DNAH9: variants seen among roughly 807,000 people sequenced by gnomAD.
DNAH9 encodes DNAH9 variant protein.
DNAH9 carries 345 observed loss-of-function variants against 471.6 expected under a neutral mutation model. The observed-to-expected ratio is 0.73, with a 90% CI of 0.67 to 0.80. The LOEUF is 0.80. DNAH9 is among the 30% of genes least tolerant of loss of function. The pLI is 0.00. For missense variants in DNAH9, 5,407 were observed against 5,609.2 expected (o/e 0.96, Z 1.15); for synonymous variants, 2,093 against 2,123.6 (o/e 0.99, Z 0.40).
At chr17:11,768,000 G>GCTC (rs1188494481) in intron 36 of DNAH9, among the ~76,000 whole-genome samples, 1 of 152,086 alleles carries the variant, frequency 6.6e-6, no homozygotes, top group African/African-American at 2.4e-5. Context: ...CCCTTCTGAG[G>GCTC]CTCTTCTCAC....
chr17:11,652,689 T>G (rs896351153), intron 13 of DNAH9, 72 bp from the exon 14 acceptor site: 4 of 1,431,490 alleles, frequency 2.8e-6, no homozygotes, highest in Admixed American at 1.9e-5. Flanking sequence ...ATCCCTGTCT[T>G]TCATAGCAAC....
At chr17:11,692,587 G>A (rs922981346) in intron 20 of DNAH9, among the ~76,000 whole-genome samples, 1 of 152,178 alleles carries the variant, frequency 6.6e-6, no homozygotes, top group Admixed American at 6.5e-5. Context: ...ATCAAGTGTT[G>A]TATACCTGGG....
In DNAH9 at chr17:11,823,048, C is replaced by T. The variant is rs149941893; in HGVS notation, c.9246+14C>T. On this transcript the variant is annotated intron_variant, in intron 48 of 68. Transcript: ENST00000262442. Reference sequence around the variant, plus strand: ...ACCTCTGCCCAGGTGAGCAATGTCCCGCTCCTTCCACCTGCAGGGGACTTG... The same window carrying T: ...ACCTCTGCCCAGGTGAGCAATGTCCTGCTCCTTCCACCTGCAGGGGACTTG... The T allele has an allele frequency of 2.6e-5, 41 of 1,598,214 alleles. No homozygotes were observed. In the East Asian group the frequency reaches 3.8e-4, roughly 15 times the overall value.
intron 14 of DNAH9, among the ~76,000 whole-genome samples, 189 bp from the exon 15 acceptor site, chr17:11,664,644 G>A (rs1328326841): frequency 6.6e-6 from 1 of 152,132 alleles, no homozygotes; most frequent in Non-Finnish European, 1.5e-5. Flanking sequence ...TACCGTCATG[G>A]ACTAACTTTG....
chr17:11,698,983 G>T (rs1161905297), intron 22 of DNAH9, among the ~76,000 whole-genome samples: 1 of 152,080 alleles, frequency 6.6e-6, no homozygotes, highest in African/African-American at 2.4e-5. Context: ...GGGTGTGGTG[G>T]CTCACACCTG....
intron 6 of DNAH9, among the ~76,000 whole-genome samples, chr17:11,624,515 AAAAG>A (rs1199246111): frequency 1.3e-5 from 2 of 152,122 alleles, no homozygotes; most frequent in Non-Finnish European, 2.9e-5. Context: ...TCTCAAAAAA[AAAAG>A]AAAAGAAAAG....
intron 28 of DNAH9, among the ~76,000 whole-genome samples, chr17:11,734,663 C>T (rs1023645350): frequency 6.6e-6 from 1 of 152,188 alleles, no homozygotes; most frequent in Non-Finnish European, 1.5e-5. Context: ...GAACCTCTGG[C>T]CTTTTCCAGG....
chr17:11,955,661 T>C (rs1432435936), intron 67 of DNAH9, among the ~76,000 whole-genome samples: 2 of 152,188 alleles, frequency 1.3e-5, no homozygotes, highest in East Asian at 3.8e-4. Context: ...AGCCAGATCA[T>C]AAGGGAAAAG....
chr17:11,893,564 A>G (rs917675251), intron 58 of DNAH9, among the ~76,000 whole-genome samples: 4 of 152,230 alleles, frequency 2.6e-5, no homozygotes, highest in Non-Finnish European at 4.4e-5. Context: ...TGTCCTTTGC[A>G]GGGACATAGA....
rs2150662770 is a variant in DNAH9, at chr17:11,623,316, T to A, written c.1350+3535T>A. 6.6e-6 allele frequency among the ~76,000 whole-genome samples: 1 copy of A among 152,088 alleles called. No individual in the cohort carries two copies. The highest frequency in any genetic ancestry group is 1.9e-4 in the East Asian group (1 of 5,150). ...CTGTGTTTCCCTCTCTTTCCCTTTG[T>A]CTAATTCTTCCTCCCTTTTCACTTG... On this transcript the variant is annotated intron_variant, in intron 6 of 68. Transcript: ENST00000262442. This position sits in a 1 kb window ranked among gnomAD's most constrained non-coding sequence, Gnocchi z 4.1.
intron 52 of DNAH9, among the ~76,000 whole-genome samples, chr17:11,874,222 G>C (rs1972384776): frequency 7.4e-6 from 1 of 134,414 alleles, no homozygotes; most frequent in African/African-American, 2.9e-5. Context: ...TCCAGCCTGT[G>C]TGACAGAGCA....
chr17:11,611,284 G>T (rs1025763320), intron 3 of DNAH9, among the ~76,000 whole-genome samples: 1 of 152,170 alleles, frequency 6.6e-6, no homozygotes, highest in African/African-American at 2.4e-5. Flanking sequence ...CTCTTGCCTG[G>T]CTTCTGACCA....
At chr17:11,762,796 T>TTTTTTTTTTTC (rs1555584732) in intron 35 of DNAH9, among the ~76,000 whole-genome samples, 4 of 144,684 alleles carry the variant, frequency 2.8e-5, no homozygotes, top group Non-Finnish European at 4.5e-5. Flanking sequence ...TTTTTTTTTT[T>TTTTTTTTTTTC]TGAGATGGAG....
rs748081714 is a variant in DNAH9 at position 11,640,342 on chromosome 17, G to A, written c.1859G>A (p.Arg620His). 5 of 1,613,804 alleles carry A rather than the reference G, an allele frequency of 3.1e-6. No homozygotes were observed. The highest frequency in any genetic ancestry group is 1.3e-5 in the African/African-American group (1 of 74,938). Residue 620 changes from arginine to histidine, a missense_variant, in exon 10 of 69, where the codon CGC (arginine) becomes CAC (histidine). This residue lies in a region of DNAH9 where 4,636 missense variants were observed against 4,900.3 expected (regional missense o/e 0.95). Transcript: ENST00000262442. ...GLRWAQELRQ[R>H]IQGPFSNFGR... ...CGCTGGGCACAGGAGCTGAGGCAGC[G>A]CATCCAGGGTCCTTTCAGCAACTTT...
rs1422056708 is a variant in DNAH9 at position 11,923,882 on chromosome 17, G to A, written c.11818G>A (p.Val3940Met). Residue 3940 changes from valine to methionine, a missense_variant, in exon 62 of 69, where the codon GTG (valine) becomes ATG (methionine). Val to Met is a conservative substitution (Grantham distance 21, BLOSUM62 1). Coordinates refer to ENST00000262442, the MANE Select transcript of DNAH9 (RefSeq NM_001372.4). ...HNVSLGQGQE[V>M]VAEAALDLAA... ...CGTGTCTTTGGGGCAAGGACAGGAA[G>A]TGGTGGCTGAGGCTGCGCTGGACCT... The A allele has an allele frequency of 1.2e-6, 2 of 1,614,000 alleles. No homozygotes were observed. The highest frequency in any genetic ancestry group is 1.7e-6 in the Non-Finnish European group (2 of 1,180,006).
intron 6 of DNAH9, among the ~76,000 whole-genome samples, chr17:11,625,093 CACA>C (rs2072945947): frequency 6.6e-6 from 1 of 152,086 alleles, no homozygotes; most frequent in African/African-American, 2.4e-5. Context: ...CACACACACA[CACA>C]CCGAGTTCAT....
At chr17:11,783,178 T>A in intron 39 of DNAH9, among the ~76,000 whole-genome samples, 1 of 152,160 alleles carries the variant, frequency 6.6e-6, no homozygotes, top group East Asian at 1.9e-4. Flanking sequence ...AAACCATGGT[T>A]TTTAGTTTCT....
Position 11,937,277 on chromosome 17 carries a change from C to A in DNAH9, c.12490-75C>A. On this transcript the variant is annotated intron_variant, in intron 65 of 68. Coordinates refer to ENST00000262442, the MANE Select transcript of DNAH9 (RefSeq NM_001372.4). The surrounding 1 kb of genome is among the most constrained non-coding windows in gnomAD (Gnocchi z 4.1). ...GGGATACTAGCCCATGGACTCCCTG[C>A]AGAGGACAAGCCGGTGTGGGAGATG... is the stretch of plus-strand genomic sequence containing the variant. 4 of 1,525,656 alleles carry A rather than the reference C, an allele frequency of 2.6e-6. No individual in the cohort carries two copies. The South Asian group carries it at 5.1e-5, about 20-fold the overall frequency. The allele number at this position is 1,525,656 out of a possible 1,614,324, so 94.5% of individuals were successfully genotyped here.
rs539450332 is a variant in DNAH9, at chr17:11,945,779, C to A, written c.12843+3294C>A. ...ACATGTGAGAAAGCTGCACTTGTGGCCGGGCGCAGTGGCTCACGCCTGTAA... is the reference window on the plus strand; with the variant it reads ...ACATGTGAGAAAGCTGCACTTGTGGACGGGCGCAGTGGCTCACGCCTGTAA... On this transcript the variant is annotated intron_variant, in intron 67 of 68. Coordinates refer to ENST00000262442, the MANE Select transcript of DNAH9 (RefSeq NM_001372.4). 9.9e-5 allele frequency among the ~76,000 whole-genome samples: 15 copies of A among 152,160 alleles called. No homozygotes were observed. In the South Asian group the frequency reaches 1.9e-3, roughly 19 times the overall value.
Sources: gnomAD v4.1 joint callset for allele counts (sites outside exome capture counted in the v4.1 genomes callset) on GRCh38, gnomAD v4.1.1 for gene constraint, gnomAD v4.1.1 regional missense constraint, Gnocchi (gnomAD v3.1) non-coding constraint, MANE v1.5 for transcripts, NCBI Gene and HGNC (gene_info 2026-07-23, HGNC 2026-07-21) for gene names.